Variants in RBMX2 observed in about 807,000 individuals in gnomAD.
RBMX2 encodes RNA binding motif protein X-linked 2, also known as RNA-binding motif protein, X-linked 2.
For synonymous variants in RBMX2, 77 were observed against 94.3 expected (o/e 0.82, Z 1.07); for missense variants, 191 against 256.0 (o/e 0.75, Z 1.73).
Position 130,402,275 on chromosome X carries a change from T to A in RBMX2, c.26T>A (p.Leu9Gln). 9.3e-7 allele frequency: 1 copy of A among 1,070,934 alleles called. No homozygotes were observed. Among genetic ancestry groups the A allele is most frequent in the Non-Finnish European group, 1.2e-6 (1 of 813,177 alleles). The allele number at this position is 1,070,934 out of a possible 1,213,427, so 88.3% of individuals were successfully genotyped here. A position where few individuals can be genotyped will look rare whatever the true frequency, so the allele number is the denominator to read the frequency against. Residue 9 changes from leucine (L) to glutamine (Q), a missense_variant, in exon 2 of 6, where the codon CTG becomes CAG. Coordinates refer to ENST00000305536, the MANE Select transcript of RBMX2 (RefSeq NM_016024.4). ...TGAAGCCCTTTAACTAAGGTGAAGC[T>A]GATCAACGAGCTGAATGAACGAGAG... is the stretch of plus-strand genomic sequence containing the variant. MNPLTKVK[L>Q]INELNEREVQ...
intron 5 of RBMX2, 76 bp downstream of exon 5, chrX:130,411,601 TAATC>T: frequency 1.1e-6 from 1 of 943,916 alleles, no homozygotes. Context: ...TGATAGTTGA[TAATC>T]AACTCAAGTG....
intron 1 of RBMX2, 27 bp from the exon 2 acceptor site, chrX:130,402,228 C>CGA: frequency 4.0e-5 from 41 of 1,029,086 alleles, no homozygotes; most frequent in African/African-American, 5.7e-5. Context: ...TCTGCCTACC[C>CGA]TCCCCACCCC....
chrX:130,411,855 C>A (rs376231443), intron 5 of RBMX2, among the ~76,000 whole-genome samples: 146 of 111,519 alleles, frequency 1.3e-3, no homozygotes, highest in African/African-American at 4.6e-3. Flanking sequence ...AAGTTGGCTT[C>A]TCGGAGGCAC....
chrX:130,402,225 A>AACCAAAC, intron 1 of RBMX2, 30 bp from the exon 2 acceptor site: 13 of 984,766 alleles, frequency 1.3e-5, no homozygotes, highest in Non-Finnish European at 1.7e-5. Flanking sequence ...TTTTCTGCCT[A>AACCAAAC]CCCTCCCCAC....
At position 130,412,972 on chromosome X, in the gene RBMX2, A is replaced by T; in HGVS notation, c.*124A>T. The T allele has an allele frequency of 4.3e-6, 3 of 700,797 alleles. No homozygotes were observed. The highest frequency in any genetic ancestry group is 6.1e-6 in the Non-Finnish European group (3 of 488,303). The allele number at this position is 700,797 out of a possible 1,213,427, so 57.8% of individuals were successfully genotyped here. Reference sequence around the variant, plus strand: ...GCTGGATTCTTTTAATCCCTTGACTATTTAGAGTCATTGGGAGGGCTGCAG... The same window carrying T: ...GCTGGATTCTTTTAATCCCTTGACTTTTTAGAGTCATTGGGAGGGCTGCAG... On this transcript the variant is annotated 3_prime_UTR_variant, in exon 6 of 6. Transcript: ENST00000305536.
intron 3 of RBMX2, 128 bp downstream of exon 3, chrX:130,403,981 T>C: frequency 1.6e-6 from 1 of 635,726 alleles, no homozygotes; most frequent in South Asian, 2.5e-5. Context: ...TGGGGAGGGC[T>C]GGAGCTTCTG....
chrX:130,411,641 T>C, intron 5 of RBMX2, 116 bp downstream of exon 5: 1 of 725,011 alleles, frequency 1.4e-6, no homozygotes, highest in African/African-American at 2.2e-5. Context: ...TGGGGAAGCA[T>C]AGTTTAATTG....
chrX:130,412,293 T>G (rs1488408744), intron 5 of RBMX2, 68 bp from the exon 6 acceptor site: 10 of 1,068,218 alleles, frequency 9.4e-6, no homozygotes, highest in Non-Finnish European at 1.2e-5. Flanking sequence ...GTGCTTTTTT[T>G]TTTTTTAAGG....
chrX:130,406,687 A>T (rs2034487485), intron 3 of RBMX2, among the ~76,000 whole-genome samples: 1 of 109,661 alleles, frequency 9.1e-6, no homozygotes, highest in Non-Finnish European at 1.9e-5. Flanking sequence ...AAAAAAAAAA[A>T]AAGAACAAAA....
intron 1 of RBMX2, 42 bp downstream of exon 1, chrX:130,402,079 C>G: frequency 1.7e-6 from 2 of 1,191,531 alleles, no homozygotes; most frequent in Admixed American, 2.3e-5. Flanking sequence ...CAGCGGGCCA[C>G]TGGGGGTGGT....
intron 2 of RBMX2, among the ~76,000 whole-genome samples, chrX:130,403,080 C>G (rs186528673): frequency 4.2e-4 from 47 of 112,366 alleles, no homozygotes; most frequent in Admixed American, 5.6e-4. Flanking sequence ...TCTTTATAAC[C>G]TTTGTCTATG....
At chrX:130,407,728 G>A (rs1270635293) in intron 3 of RBMX2, among the ~76,000 whole-genome samples, 1 of 107,547 alleles carries the variant, frequency 9.3e-6, no homozygotes, top group Non-Finnish European at 1.9e-5. Context: ...CATGATCCTA[G>A]CTCACTGCAG....
Position 130,412,779 on chromosome X carries a change from T to C in RBMX2, c.900T>C (p.His300=), listed in dbSNP as rs2034521325. 1 of 1,211,028 alleles carries C rather than the reference T, an allele frequency of 8.3e-7. No individual in the cohort carries two copies. Residue 300 remains histidine, a synonymous_variant, in exon 6 of 6, where the codon CAT becomes CAC. Transcript: ENST00000305536. The stretch of plus-strand genomic sequence containing the variant: ...GAAGTAGGAGCCGAGATAAATCCCA[T>C]AGGCATAAAAGGGCCCGACGCTCCC... ...RSRSRSRDKS[H]RHKRARRSRE... is the part of the protein sequence containing the mutation.
chrX:130,409,574 A>AG (rs2034502217), intron 4 of RBMX2, among the ~76,000 whole-genome samples, 188 bp downstream of exon 4: 1 of 111,953 alleles, frequency 8.9e-6, no homozygotes, highest in South Asian at 3.8e-4. Flanking sequence ...ATGGTCCTGC[A>AG]GGACTTGCTT....
intron 3 of RBMX2, chrX:130,404,077 C>T: frequency 2.5e-6 from 1 of 393,631 alleles, no homozygotes; most frequent in East Asian, 4.0e-5. Context: ...TCTTGGGGAT[C>T]CTAGTCTATT....
At chrX:130,411,546 A>C (rs746308079) in intron 5 of RBMX2, 21 bp downstream of exon 5, 39 of 1,152,410 alleles carry the variant, frequency 3.4e-5, no homozygotes, top group Non-Finnish European at 4.5e-5. Flanking sequence ...AAGACTTAAG[A>C]GAAGATTCTG....
chrX:130,405,644 T>C (rs1435219709), intron 3 of RBMX2, among the ~76,000 whole-genome samples: 2 of 110,353 alleles, frequency 1.8e-5, no homozygotes, highest in East Asian at 5.6e-4. Context: ...ATGGTCTCTT[T>C]AGTGAAAGAG....
At chrX:130,408,147 A>G (rs1204533363) in intron 3 of RBMX2, among the ~76,000 whole-genome samples, 1 of 95,537 alleles carries the variant, frequency 1.0e-5, no homozygotes, top group Non-Finnish European at 2.1e-5. Flanking sequence ...TTTCTATTTA[A>G]TTCTGCCTTC....
At chrX:130,408,626 G>C (rs2034497098) in intron 3 of RBMX2, among the ~76,000 whole-genome samples, 1 of 111,016 alleles carries the variant, frequency 9.0e-6, no homozygotes, top group South Asian at 3.7e-4. Flanking sequence ...AACATGGTCT[G>C]TTCTGTTTTT....
Sources: gnomAD v4.1 joint callset for allele counts (sites outside exome capture counted in the v4.1 genomes callset) on GRCh38, gnomAD v4.1.1 for gene constraint, MANE v1.5 for transcripts, NCBI Gene and HGNC (gene_info 2026-07-23, HGNC 2026-07-21) for gene names.